TNFRSF21: variants seen among roughly 807,000 people sequenced by gnomAD.
TNFRSF21 encodes TNF receptor superfamily member 21, also known as tumor necrosis factor receptor superfamily member 21.
TNFRSF21 carries 19 observed loss-of-function variants against 45.6 expected under a neutral mutation model. That is an observed-to-expected ratio of 0.42 (90% confidence interval 0.29 to 0.61). The LOEUF is 0.61. TNFRSF21 is among the 20% of genes least tolerant of loss of function. TNFRSF21 has a pLI of 0.23. For synonymous variants in TNFRSF21, 314 were observed against 335.5 expected, an observed-to-expected ratio of 0.94 and a Z score of 0.70; for missense variants, 737 against 851.5, an observed-to-expected ratio of 0.87 and a Z score of 1.67.
chr6:47,292,290 T>A (rs1205074148), intron 1 of TNFRSF21, among the ~76,000 whole-genome samples: 1 of 151,992 alleles, frequency 6.6e-6, no homozygotes, highest in African/African-American at 2.4e-5. Flanking sequence ...CTTAATTCCT[T>A]CACTTGTACA....
At chr6:47,259,982 C>T (rs947143222) in intron 3 of TNFRSF21, among the ~76,000 whole-genome samples, 10 of 152,126 alleles carry the variant, frequency 6.6e-5, no homozygotes, top group African/African-American at 2.4e-4. Flanking sequence ...AGAAACACCC[C>T]CTCTTATCTG....
intron 4 of TNFRSF21, among the ~76,000 whole-genome samples, chr6:47,247,499 TG>T (rs1322314606): frequency 9.9e-5 from 15 of 152,226 alleles, no homozygotes; most frequent in Admixed American, 5.2e-4. Context: ...CAACAGTTAA[TG>T]TACAGCTGGT....
chr6:47,271,046 G>A (rs562825876), intron 3 of TNFRSF21, among the ~76,000 whole-genome samples: 1 of 152,206 alleles, frequency 6.6e-6, no homozygotes, highest in South Asian at 2.1e-4. Context: ...TTTGATTAGT[G>A]TACCTGAAAG....
At chr6:47,292,169 C>T (rs1762738072) in intron 1 of TNFRSF21, among the ~76,000 whole-genome samples, 1 of 152,078 alleles carries the variant, frequency 6.6e-6, no homozygotes, top group South Asian at 2.1e-4. Context: ...AGGTGAGATG[C>T]CACCCAAAGC....
intron 1 of TNFRSF21, among the ~76,000 whole-genome samples, chr6:47,308,312 G>T (rs568385472): frequency 6.6e-6 from 1 of 152,214 alleles, no homozygotes; most frequent in African/African-American, 2.4e-5. Flanking sequence ...CCCTTTTGGG[G>T]AAGGAGACAG....
rs1043007832 is a variant in TNFRSF21, at chr6:47,246,422, A to C, written c.1509+6834T>G. Among the ~76,000 whole-genome samples, 6 of 152,326 alleles carry C rather than the reference A, an allele frequency of 3.9e-5. No individual in the cohort carries two copies. In the East Asian group the frequency reaches 1.2e-3, roughly 29 times the overall value. ...TCAGCAAGATCTTTACAAAGCACTT[A>C]CAAAGCTTGGAGACTGTATAGGACT... On this transcript the variant is annotated intron_variant, in intron 4 of 5. Transcript: ENST00000296861.
At chr6:47,237,359 G>A (rs747049647) in intron 4 of TNFRSF21, among the ~76,000 whole-genome samples, 16 of 152,092 alleles carry the variant, frequency 1.1e-4, no homozygotes, top group Non-Finnish European at 2.1e-4. Flanking sequence ...CATCAAAGCC[G>A]GTTTGCAGTA....
chr6:47,261,833 A>T (rs1268894795), intron 3 of TNFRSF21, among the ~76,000 whole-genome samples: 1 of 152,256 alleles, frequency 6.6e-6, no homozygotes, highest in Non-Finnish European at 1.5e-5. Context: ...TAAAAGCAAC[A>T]TACCCACATG....
intron 4 of TNFRSF21, among the ~76,000 whole-genome samples, chr6:47,245,368 T>A (rs1450010601): frequency 6.6e-6 from 1 of 152,046 alleles, no homozygotes; most frequent in Non-Finnish European, 1.5e-5. Flanking sequence ...GCTCTGATAA[T>A]CTATTAAATA....
At chr6:47,275,093 G>A (rs1762478531) in intron 3 of TNFRSF21, among the ~76,000 whole-genome samples, 1 of 152,196 alleles carries the variant, frequency 6.6e-6, no homozygotes, top group East Asian at 1.9e-4. Context: ...GGAAGACAGT[G>A]TGGCGATTCC....
chr6:47,285,396 C>T (rs1352373426), intron 2 of TNFRSF21, among the ~76,000 whole-genome samples: 1 of 152,062 alleles, frequency 6.6e-6, no homozygotes, highest in African/African-American at 2.4e-5. Flanking sequence ...TGCTAGTTAC[C>T]TTCAATCTGA....
At chr6:47,259,880 T>C (rs1460170793) in intron 3 of TNFRSF21, among the ~76,000 whole-genome samples, 1 of 152,150 alleles carries the variant, frequency 6.6e-6, no homozygotes. Context: ...AGTCACAAGA[T>C]ATGGTTTCAA....
intron 1 of TNFRSF21, among the ~76,000 whole-genome samples, chr6:47,298,613 AAAT>A (rs1357333965): frequency 6.6e-6 from 1 of 152,228 alleles, no homozygotes; most frequent in Non-Finnish European, 1.5e-5. Context: ...TATGACAATC[AAAT>A]TGTAGTGTCC....
rs200569943 is a variant in TNFRSF21, at chr6:47,284,319, C to T, written c.862G>A (p.Val288Met). 5.2e-4 allele frequency: 826 copies of T among 1,601,100 alleles called. 12 individuals are homozygous for T. The South Asian group carries it at 6.9e-3, about 13-fold the overall frequency. ...NTSSARGKED[V>M]NKTLPNLQVV... The stretch of plus-strand genomic sequence containing the variant: ...TGAAGGTTTGGGAGGGTCTTGTTCA[C>T]GTCTTCCTTCCCCCTTGCTGAGCTT... Residue 288 changes from valine to methionine, a missense_variant, in exon 3 of 6, where the codon GTG (valine) becomes ATG (methionine). Transcript: ENST00000296861.
chr6:47,234,746 C>T lies in TNFRSF21; in HGVS notation c.1662G>A (p.Ser554=). The T allele has an allele frequency of 3.7e-6, 6 of 1,610,426 alleles. No homozygotes were observed. Among genetic ancestry groups the T allele is most frequent in the Non-Finnish European group, 5.1e-6 (6 of 1,178,672 alleles). ...DKNKGFFVDE[S]EPLLRCDSTS... ...TAGAGTCACAGCGGAGAAGGGGCTC[C>T]GACTCATCCACGAAGAAGCCCTTGT... is the stretch of plus-strand genomic sequence containing the variant. Residue 554 remains serine, a synonymous_variant, in exon 5 of 6, where the codon TCG becomes TCA. Coordinates refer to ENST00000296861, the MANE Select transcript of TNFRSF21 (RefSeq NM_014452.5).
At chr6:47,245,607 C>A (rs1347202629) in intron 4 of TNFRSF21, among the ~76,000 whole-genome samples, 3 of 151,950 alleles carry the variant, frequency 2.0e-5, no homozygotes, top group Non-Finnish European at 2.9e-5. Flanking sequence ...ATTTTTTTCA[C>A]ATTTTAACAT....
In TNFRSF21 at chr6:47,232,807, G is replaced by A; in HGVS notation, c.1926C>T (p.Thr642=). ...GATGGCTATAAACAGAGTCCAGGAG[G>A]GTCTGGCTGGCTTCCTGGCTCTTGA... The part of the protein sequence containing the change: ...IGVKSQEASQ[T]LLDSVYSHLP... The change falls in exon 6 of 6, where the codon ACC becomes ACT. Residue 642 remains threonine (T), a synonymous_variant. Coordinates refer to ENST00000296861, the MANE Select transcript of TNFRSF21 (RefSeq NM_014452.5). 6.2e-7 allele frequency: 1 copy of A among 1,614,136 alleles called. No individual in the cohort carries two copies. Among genetic ancestry groups the A allele is most frequent in the Non-Finnish European group, 8.5e-7 (1 of 1,180,036 alleles).
chr6:47,287,180 G>A (rs769345992), intron 1 of TNFRSF21, among the ~76,000 whole-genome samples: 1 of 151,746 alleles, frequency 6.6e-6, no homozygotes, highest in Non-Finnish European at 1.5e-5. Flanking sequence ...GGTGGTGCAT[G>A]CCTGTAATCC....
intron 3 of TNFRSF21, among the ~76,000 whole-genome samples, chr6:47,276,428 CTGTT>C (rs1256305274): frequency 6.6e-6 from 1 of 152,214 alleles, no homozygotes; most frequent in African/African-American, 2.4e-5. Context: ...TGAGCTCGAA[CTGTT>C]GAAATTCGAG....
Sources: allele counts gnomAD v4.1 joint callset (sites outside exome capture counted in the v4.1 genomes callset), GRCh38; gene constraint gnomAD v4.1.1; transcripts MANE v1.5; gene names NCBI Gene and HGNC (gene_info 2026-07-23, HGNC 2026-07-21).